CAMK2A: variants seen among roughly 807,000 people sequenced by gnomAD.
The protein encoded by CAMK2A is calcium/calmodulin dependent protein kinase II alpha.
Under a neutral mutation model 79.2 loss-of-function variants are expected in CAMK2A, and 7 were observed. That is an observed-to-expected ratio of 0.09 (90% CI 0.05 to 0.17). The LOEUF (loss-of-function observed/expected upper bound fraction) is 0.17. Ranked by LOEUF, CAMK2A falls within the 10% of genes least tolerant of loss-of-function variation. CAMK2A has a pLI of 1.00. For missense variants in CAMK2A, 214 were observed against 646.4 expected (o/e 0.33, Z 7.25); for synonymous variants, 242 against 251.7 (o/e 0.96, Z 0.36).
chr5:150,239,580 G>A (rs568423045), intron 14 of CAMK2A, 124 bp downstream of exon 14: 87 of 836,874 alleles, frequency 1.0e-4, no homozygotes, highest in South Asian at 6.9e-4. Flanking sequence ...CAAGGCACAC[G>A]TACCAAGCAC....
intron 3 of CAMK2A, among the ~76,000 whole-genome samples, chr5:150,260,902 T>C (rs945168050): frequency 6.6e-6 from 1 of 152,220 alleles, no homozygotes; most frequent in East Asian, 1.9e-4. Context: ...CTATTCTTTC[T>C]GGTGGGCCAT....
chr5:150,225,017 C>T (rs1754522633), intron 17 of CAMK2A, among the ~76,000 whole-genome samples: 1 of 97,788 alleles, frequency 1.0e-5, no homozygotes, highest in South Asian at 3.1e-4. Context: ...AAAAAAATAG[C>T]CAGTCTCATA....
At chr5:150,278,252 C>T (rs1312262308) in intron 1 of CAMK2A, among the ~76,000 whole-genome samples, 2 of 152,110 alleles carry the variant, frequency 1.3e-5, no homozygotes, top group African/African-American at 4.8e-5. Flanking sequence ...TGGGCTGCTA[C>T]CTAGGCAGCC....
chr5:150,244,538 G>C (rs1476672157), intron 13 of CAMK2A, among the ~76,000 whole-genome samples: 1 of 152,242 alleles, frequency 6.6e-6, no homozygotes, highest in Non-Finnish European at 1.5e-5. Context: ...AGAGAGAAGA[G>C]ACGGGAAGGA....
rs145765024 is a variant in CAMK2A, at chr5:150,235,826, T to A, written c.1066+2874A>T. On this transcript the variant is annotated intron_variant, in intron 15 of 18. Transcript: ENST00000671881. ...CACTTAGTAAGAAGACTTAACAAAT[T>A]AACACCAGAAAACGGTTCCCTGGAA... is the stretch of plus-strand genomic sequence containing the variant. Among the ~76,000 whole-genome samples the A allele has an allele frequency of 3.6e-3, 555 of 152,204 alleles. 1 individual carries two copies. The highest frequency in any genetic ancestry group is 0.013 in the African/African-American group (528 of 41,524).
rs1452740087 is a variant in CAMK2A at position 150,222,510 on chromosome 5, G to C, written c.*200C>G. The stretch of plus-strand genomic sequence containing the variant: ...GGGAGAGGGTGGGGGTGAGAGGTGG[G>C]GAGATGTGGCCGTTCGCTCTGAAGT... On this transcript the variant is annotated 3_prime_UTR_variant, in exon 19 of 19. Transcript: ENST00000671881. 1 of 712,200 alleles carries C rather than the reference G, an allele frequency of 1.4e-6. No individual in the cohort carries two copies. The highest frequency in any genetic ancestry group is 1.7e-5 in the African/African-American group (1 of 57,360). The allele number at this position is 712,200 out of a possible 1,614,324, so 44.1% of individuals were successfully genotyped here. A position where few individuals can be genotyped will look rare whatever the true frequency, so the allele number is the denominator to read the frequency against.
At chr5:150,228,144 TGGA>T (rs1754684914) in intron 17 of CAMK2A, 45 bp downstream of exon 17, 1 of 1,494,800 alleles carries the variant, frequency 6.7e-7, no homozygotes, top group African/African-American at 1.4e-5. Context: ...CAGCAGGACA[TGGA>T]ACGAGAGCAG....
Position 150,289,633 on chromosome 5 carries a change from C to T in CAMK2A, c.-8G>A. ...GCAGGTGATGGTGGCCATCCTGGCG[C>T]TGGGCAGGCAGGTGAGGCTTGGGAC... On this transcript the variant is annotated 5_prime_UTR_variant, in exon 1 of 19. Transcript: ENST00000671881. 6.2e-7 allele frequency: 1 copy of T among 1,613,212 alleles called. No homozygotes were observed. The highest frequency in any genetic ancestry group is 8.5e-7 in the Non-Finnish European group (1 of 1,179,398).
Position 150,219,860 on chromosome 5 carries a change from TATTTA to T in CAMK2A, c.*2845_*2849del, listed in dbSNP as rs1754215237. On this transcript the variant is annotated 3_prime_UTR_variant, in exon 19 of 19. Transcript: ENST00000671881. The stretch of plus-strand genomic sequence containing the variant: ...AGGTTTTGACTTGGGTTTGGATTTT[TATTTA>T]TTTATTTATTATTATTATTATTATT... The T allele has an allele frequency of 1.3e-5, 1 of 77,056 alleles. No homozygotes were observed. Among genetic ancestry groups the T allele is most frequent in the African/African-American group, 2.9e-5 (1 of 34,236 alleles). The allele number at this position is 77,056 out of a possible 1,614,324, so 4.8% of individuals were successfully genotyped here. A position where few individuals can be genotyped will look rare whatever the true frequency, so the allele number is the denominator to read the frequency against.
rs1157907720 is a variant in CAMK2A, at chr5:150,256,847, T to C, written c.273-16A>G. On this transcript the variant is annotated splice_polypyrimidine_tract_variant and intron_variant, in intron 4 of 18. Transcript: ENST00000671881. The surrounding 1 kb of genome is among the most constrained non-coding windows in gnomAD (Gnocchi z 4.6). ...ACCAGTGACCCTGGGGAGACAGGCA[T>C]GGAATCACCCTCTAATAGAGGCGAC... The C allele has an allele frequency of 9.9e-6, 16 of 1,610,548 alleles. No homozygotes were observed. Among genetic ancestry groups the C allele is most frequent in the African/African-American group, 1.3e-5 (1 of 74,844 alleles).
chr5:150,235,011 C>A (rs760747858), intron 15 of CAMK2A, among the ~76,000 whole-genome samples: 1 of 152,182 alleles, frequency 6.6e-6, no homozygotes, highest in Non-Finnish European at 1.5e-5. Context: ...GCCATTTAAT[C>A]CTTGAGAGTC....
At chr5:150,224,558 T>C (rs1754500740) in intron 17 of CAMK2A, among the ~76,000 whole-genome samples, 1 of 152,122 alleles carries the variant, frequency 6.6e-6, no homozygotes, top group Admixed American at 6.6e-5. Flanking sequence ...ACCCAGGCTT[T>C]GAATAAGGAC....
rs957388907 is a variant in CAMK2A at position 150,256,540 on chromosome 5, C to CG, written c.411+32dup. 1 of 1,541,004 alleles carries CG rather than the reference C, an allele frequency of 6.5e-7. No homozygotes were observed. Among genetic ancestry groups the CG allele is most frequent in the Non-Finnish European group, 9.0e-7 (1 of 1,115,768 alleles). On this transcript the variant is annotated intron_variant, in intron 6 of 18. Transcript: ENST00000671881. The surrounding 1 kb of genome is among the most constrained non-coding windows in gnomAD (Gnocchi z 4.6). ...GACGTGCAGAGGAGAGAGGGGCTCC[C>CG]GGGGTGAGCCACACCCACGGTGGGT...
At chr5:150,259,239 G>A (rs1034347906) in intron 3 of CAMK2A, among the ~76,000 whole-genome samples, 17 of 152,042 alleles carry the variant, frequency 1.1e-4, no homozygotes, top group African/African-American at 4.1e-4. Context: ...TAAAAATTTA[G>A]GCCAGGTGCG....
Position 150,250,678 on chromosome 5 carries a change from G to C in CAMK2A, c.816+10C>G. 1 of 1,613,932 alleles carries C rather than the reference G, an allele frequency of 6.2e-7. No individual in the cohort carries two copies. Among genetic ancestry groups the C allele is most frequent in the South Asian group, 1.1e-5 (1 of 91,064 alleles). The stretch of plus-strand genomic sequence containing the variant: ...GGCTCCTGGGAGAAGTCCTGCTGAG[G>C]AAGGCTCACCGAGATCCAGGGGTGC... On this transcript the variant is annotated intron_variant, in intron 10 of 18. Transcript: ENST00000671881.
chr5:150,273,556 T>A (rs939368543), intron 1 of CAMK2A, among the ~76,000 whole-genome samples: 6 of 152,202 alleles, frequency 3.9e-5, no homozygotes, highest in African/African-American at 1.4e-4. Flanking sequence ...GGTAGTAAAA[T>A]GACCCCCTCC....
At chr5:150,234,955 C>T (rs1755001156) in intron 15 of CAMK2A, among the ~76,000 whole-genome samples, 1 of 152,234 alleles carries the variant, frequency 6.6e-6, no homozygotes, top group Non-Finnish European at 1.5e-5. Context: ...CTAGTCTTCT[C>T]TTCTCAGAGC....
At position 150,254,855 on chromosome 5, in the gene CAMK2A, G is replaced by A. The variant is rs186921930; in HGVS notation, c.412-1309C>T. 1.2e-4 allele frequency among the ~76,000 whole-genome samples: 19 copies of A among 152,346 alleles called. No homozygotes were observed. In the East Asian group the frequency reaches 3.7e-3, roughly 29 times the overall value. On this transcript the variant is annotated intron_variant, in intron 6 of 18. Transcript: ENST00000671881. Reference sequence around the variant, plus strand: ...AGCACTTCGCTGTGGCCTACAGTAAGTGCTTGGTAAATGTTAGTACTTCTA... The same window carrying A: ...AGCACTTCGCTGTGGCCTACAGTAAATGCTTGGTAAATGTTAGTACTTCTA...
At chr5:150,239,820 GGGA>G (rs1755259561) in intron 13 of CAMK2A, 84 bp from the exon 14 acceptor site, 1 of 1,219,778 alleles carries the variant, frequency 8.2e-7, no homozygotes, top group Non-Finnish European at 1.2e-6. Flanking sequence ...GGGGAGGTTT[GGGA>G]GGAGGATGGG....
Sources: gnomAD v4.1 joint callset for allele counts (sites outside exome capture counted in the v4.1 genomes callset) on GRCh38, gnomAD v4.1.1 for gene constraint, Gnocchi (gnomAD v3.1) non-coding constraint, MANE v1.5 for transcripts, NCBI Gene and HGNC (gene_info 2026-07-23, HGNC 2026-07-21) for gene names.